Variants in LCP2 observed in about 807,000 individuals in gnomAD.
LCP2 encodes the protein 76 kDa tyrosine phosphoprotein.
Under a neutral mutation model 74.5 loss-of-function variants are expected in LCP2, and 29 were observed. That is an observed-to-expected ratio of 0.39 (90% CI 0.29 to 0.53). The LOEUF is 0.53. Ranked by LOEUF, LCP2 falls within the 20% of genes least tolerant of loss-of-function variation. LCP2 has a pLI of 0.72. For missense variants in LCP2, 604 were observed against 634.6 expected, an observed-to-expected ratio of 0.95 and a Z score of 0.52; for synonymous variants, 228 against 229.5, an observed-to-expected ratio of 0.99 and a Z score of 0.06.
chr5:170,277,545 G>A (rs315735), intron 3 of LCP2, among the ~76,000 whole-genome samples: 2,371 of 151,920 alleles, frequency 0.016, 62 homozygotes, highest in African/African-American at 0.054. Flanking sequence ...TCAGGAGTTC[G>A]AGACCAGCCT....
intron 3 of LCP2, among the ~76,000 whole-genome samples, chr5:170,279,562 C>A (rs1207321697): frequency 1.3e-5 from 2 of 152,200 alleles, no homozygotes; most frequent in East Asian, 1.9e-4. Context: ...CACTGATCAC[C>A]AGGCCCAGCC....
Position 170,262,997 on chromosome 5 carries a change from A to G in LCP2, c.773-5T>C. ...CAGAAAATGGTGGTTTCTTTCCTGT[A>G]AATGACAGAGAGCAGATGGGCCATG... On this transcript the variant is annotated splice_polypyrimidine_tract_variant and splice_region_variant and intron_variant, in intron 10 of 20. Transcript: ENST00000046794. 1.2e-6 allele frequency: 2 copies of G among 1,613,872 alleles called. No individual in the cohort carries two copies. The highest frequency in any genetic ancestry group is 1.7e-6 in the Non-Finnish European group (2 of 1,179,812).
chr5:170,282,386 C>T (rs900181022), intron 3 of LCP2, among the ~76,000 whole-genome samples: 7 of 152,314 alleles, frequency 4.6e-5, no homozygotes, highest in African/African-American at 1.4e-4. Context: ...CAGGCAATTT[C>T]TGTGTGCTGC....
At chr5:170,293,122 G>C (rs1762317598) in intron 2 of LCP2, among the ~76,000 whole-genome samples, 188 bp downstream of exon 2, 1 of 152,338 alleles carries the variant, frequency 6.6e-6, no homozygotes, top group East Asian at 1.9e-4. Flanking sequence ...GTAAGTGGAA[G>C]ATCAGAGAGG....
intron 7 of LCP2, chr5:170,270,434 G>A (rs1229119887): frequency 5.5e-6 from 2 of 365,882 alleles, no homozygotes; most frequent in Non-Finnish European, 4.9e-6. Flanking sequence ...GTAGTTCAAT[G>A]CTGATATCAG....
intron 6 of LCP2, among the ~76,000 whole-genome samples, chr5:170,273,107 A>G (rs1457413925): frequency 6.6e-6 from 1 of 152,106 alleles, no homozygotes; most frequent in Non-Finnish European, 1.5e-5. Context: ...CATACTGTAA[A>G]ATGCTTATGA....
Position 170,262,662 on chromosome 5 carries a change from AG to A in LCP2, c.898del (p.Leu300CysfsTer38). On this transcript the variant is annotated frameshift_variant, in exon 13 of 21. Transcript: ENST00000046794. LOFTEE classifies it high-confidence loss of function. ...TTERHERSSP[L>X]PGKKPPVPKH... The stretch of plus-strand genomic sequence containing the variant: ...TGGCACAGGTGGCTTCTTCCCTGGC[AG>A]GGGGCTGCTCCTTTCATGTCTTTCC... 1 of 1,613,874 alleles carries A rather than the reference AG, an allele frequency of 6.2e-7. No homozygotes were observed. Among genetic ancestry groups the A allele is most frequent in the Non-Finnish European group, 8.5e-7 (1 of 1,179,804 alleles).
At position 170,268,371 on chromosome 5, in the gene LCP2, G is replaced by T; in HGVS notation, c.621+14C>A. On this transcript the variant is annotated intron_variant, in intron 8 of 20. Coordinates refer to ENST00000046794, the MANE Select transcript of LCP2 (RefSeq NM_005565.5). ...TGGACACCAAGTACTGTAAAAGAAC[G>T]GGAGGAGGCCTACCGAGTGATTCCG... 6.6e-6 allele frequency: 4 copies of T among 610,076 alleles called. No individual in the cohort carries two copies. The highest frequency in any genetic ancestry group is 9.1e-6 in the Non-Finnish European group (4 of 439,710). 37.8% of individuals were successfully genotyped at this position (610,076 alleles called of 1,614,324 possible). A position where few individuals can be genotyped will look rare whatever the true frequency, so the allele number is the denominator to read the frequency against.
intron 1 of LCP2, 141 bp from the exon 2 acceptor site, chr5:170,293,513 A>T: frequency 2.7e-6 from 2 of 752,232 alleles, no homozygotes; most frequent in Non-Finnish European, 4.6e-6. Context: ...TGGCTAACAG[A>T]GGGCCCAGTC....
chr5:170,256,611 T>C lies in LCP2; in HGVS notation c.1101-36A>G, dbSNP rs762918896. On this transcript the variant is annotated intron_variant, in intron 16 of 20. Coordinates refer to ENST00000046794, the MANE Select transcript of LCP2 (RefSeq NM_005565.5). The surrounding 1 kb of genome is among the most constrained non-coding windows in gnomAD (Gnocchi z 4.5). ...AGAAAAAGAACAAAATTTATTTGGA[T>C]TGGGGTGATGGGGCCAGACAGGGGA... The C allele has an allele frequency of 1.7e-5, 26 of 1,512,478 alleles. No individual in the cohort carries two copies. Among genetic ancestry groups the C allele is most frequent in the Middle Eastern group, 1.7e-4 (1 of 5,864 alleles). The allele number at this position is 1,512,478 out of a possible 1,614,324, so 93.7% of individuals were successfully genotyped here.
At chr5:170,291,465 C>T (rs1762295984) in intron 2 of LCP2, among the ~76,000 whole-genome samples, 1 of 152,214 alleles carries the variant, frequency 6.6e-6, no homozygotes, top group Non-Finnish European at 1.5e-5. Flanking sequence ...CTTCTGGTTC[C>T]TATCACCCTA....
chr5:170,290,952 A>AAAAGAAAGAAAGAAAG (rs201112309), intron 2 of LCP2, among the ~76,000 whole-genome samples: 3 of 117,036 alleles, frequency 2.6e-5, no homozygotes, highest in South Asian at 2.9e-4. Flanking sequence ...AGAAAGAAAG[A>AAAAGAAAGAAAGAAAG]AAAGAAAGAA....
intron 15 of LCP2, chr5:170,258,397 C>CT: frequency 4.7e-6 from 2 of 422,730 alleles, no homozygotes; most frequent in Non-Finnish European, 8.4e-6. Flanking sequence ...AGATGATACT[C>CT]TAAAATACAC....
chr5:170,263,135 C>G, intron 10 of LCP2, 143 bp from the exon 11 acceptor site: 1 of 972,898 alleles, frequency 1.0e-6, no homozygotes, highest in South Asian at 1.6e-5. Flanking sequence ...AAACTTCAGA[C>G]TAGGAAGGGT....
intron 19 of LCP2, chr5:170,251,126 A>G: frequency 2.3e-6 from 1 of 427,860 alleles, no homozygotes; most frequent in East Asian, 4.3e-5. Context: ...GAAATTTCCA[A>G]GTCAATCTCG....
At chr5:170,288,336 C>T (rs370159747) in intron 2 of LCP2, among the ~76,000 whole-genome samples, 18 of 152,160 alleles carry the variant, frequency 1.2e-4, no homozygotes, top group African/African-American at 3.1e-4. Context: ...TGAAACCAAA[C>T]GACTCGTTGT....
chr5:170,258,892 GA>G lies in LCP2; in HGVS notation c.958-15del, dbSNP rs574999737. ...ATCATCTTCATCCTGGGAAGGGGAA[GA>G]AAAAAAAAGATATTAAGCTATCATC... On this transcript the variant is annotated splice_polypyrimidine_tract_variant and intron_variant, in intron 14 of 20. Transcript: ENST00000046794. 2.0e-4 allele frequency: 311 copies of G among 1,527,234 alleles called. No homozygotes were observed. The highest frequency in any genetic ancestry group is 3.6e-4 in the African/African-American group (26 of 71,868). The allele number at this position is 1,527,234 out of a possible 1,614,324, so 94.6% of individuals were successfully genotyped here.
intron 19 of LCP2, chr5:170,251,929 C>T: frequency 4.1e-6 from 1 of 246,126 alleles, no homozygotes; most frequent in Non-Finnish European, 8.6e-6. Context: ...ATAAATAAAT[C>T]TAAGGTAAAG....
chr5:170,271,660 A>G (rs1490582064), intron 6 of LCP2, among the ~76,000 whole-genome samples: 1 of 152,042 alleles, frequency 6.6e-6, no homozygotes, highest in African/African-American at 2.4e-5. Flanking sequence ...GAAGCAGTCC[A>G]TGAAGGTGAA....
Sources: allele counts gnomAD v4.1 joint callset (sites outside exome capture counted in the v4.1 genomes callset), GRCh38; gene constraint gnomAD v4.1.1; non-coding constraint Gnocchi (gnomAD v3.1); transcripts MANE v1.5; gene names NCBI Gene and HGNC (gene_info 2026-07-23, HGNC 2026-07-21).